Variants in DOCK2 observed in about 807,000 individuals in gnomAD.
DOCK2 encodes the protein dedicator of cytokinesis 2.
Under a neutral mutation model 248.9 loss-of-function variants are expected in DOCK2, and 87 were observed. The observed-to-expected ratio is 0.35, with a 90% CI of 0.29 to 0.42. The LOEUF (loss-of-function observed/expected upper bound fraction) is 0.42. DOCK2 is among the 10% of genes least tolerant of loss of function. DOCK2 has a pLI of 1.00. For missense variants in DOCK2, 1,747 were observed against 2,300.2 expected (o/e 0.76, Z 4.92); for synonymous variants, 805 against 821.6 (o/e 0.98, Z 0.35).
intron 27 of DOCK2, among the ~76,000 whole-genome samples, chr5:169,877,331 A>T (rs1772390241): frequency 6.6e-6 from 1 of 152,204 alleles, no homozygotes; most frequent in Non-Finnish European, 1.5e-5. Context: ...TACTTGAGAT[A>T]AGGGAAAAGA....
At chr5:169,900,985 G>A (rs374004252) in intron 27 of DOCK2, among the ~76,000 whole-genome samples, 2 of 152,090 alleles carry the variant, frequency 1.3e-5, no homozygotes, top group Admixed American at 1.3e-4. Flanking sequence ...CTTAGTTACG[G>A]GTAGGAAAGG....
At chr5:169,795,605 C>T (rs1035462188) in intron 25 of DOCK2, among the ~76,000 whole-genome samples, 9 of 152,102 alleles carry the variant, frequency 5.9e-5, no homozygotes, top group Non-Finnish European at 4.4e-5. Context: ...TCCCAGTGGG[C>T]GGAATTAGTT....
At chr5:169,741,474 C>T (rs997747220) in intron 22 of DOCK2, among the ~76,000 whole-genome samples, 1 of 152,168 alleles carries the variant, frequency 6.6e-6, no homozygotes, top group African/African-American at 2.4e-5. Context: ...ATACACATCA[C>T]TCCTTGACTC....
At position 169,730,875 on chromosome 5, in the gene DOCK2, A is replaced by ACT. The variant is rs201226618; in HGVS notation, c.2267+12099_2267+12100dup. 5.3e-5 allele frequency among the ~76,000 whole-genome samples: 7 copies of ACT among 131,518 alleles called. 1 individual carries two copies. Among genetic ancestry groups the ACT allele is most frequent in the African/African-American group, 1.5e-4 (4 of 27,166 alleles). The allele number at this position is 131,518 out of a possible 152,430, so 86.3% of individuals were successfully genotyped here. A position where few individuals can be genotyped will look rare whatever the true frequency, so the allele number is the denominator to read the frequency against. ...TTTTAGGTATATGATTATAGCTACC[A>ACT]CTCTCTCTCTCTCTCTTTTTTTTAG... On this transcript the variant is annotated intron_variant, in intron 22 of 51. Coordinates refer to ENST00000520908, the MANE Select transcript of DOCK2 (RefSeq NM_004946.3).
intron 27 of DOCK2, among the ~76,000 whole-genome samples, chr5:169,854,732 T>A (rs1261889648): frequency 6.6e-6 from 1 of 152,214 alleles, no homozygotes; most frequent in Non-Finnish European, 1.5e-5. Context: ...AATAAACATA[T>A]ACAAAGCATT....
intron 3 of DOCK2, among the ~76,000 whole-genome samples, chr5:169,669,588 CCCTT>C (rs1758927327): frequency 6.6e-6 from 1 of 152,164 alleles, no homozygotes; most frequent in African/African-American, 2.4e-5. Context: ...TATGATTTCT[CCCTT>C]CCTCGAGTCT....
In DOCK2 at chr5:169,786,219, A is replaced by T. The variant is rs533080602; in HGVS notation, c.2555-16839A>T. Among the ~76,000 whole-genome samples, 104 of 152,208 alleles carry T rather than the reference A, an allele frequency of 6.8e-4. 1 individual carries two copies. The highest frequency in any genetic ancestry group is 2.4e-3 in the African/African-American group (101 of 41,502). On this transcript the variant is annotated intron_variant, in intron 25 of 51. Coordinates refer to ENST00000520908, the MANE Select transcript of DOCK2 (RefSeq NM_004946.3). ...CTACAGCACCTCATAAATTATGATC[A>T]CTCACTCTTCTTTGGCTGGTGTTCT...
At chr5:169,844,203 G>A (rs1395376886) in intron 27 of DOCK2, among the ~76,000 whole-genome samples, 1 of 152,124 alleles carries the variant, frequency 6.6e-6, no homozygotes, top group African/African-American at 2.4e-5. Flanking sequence ...AAACTAGGAG[G>A]GAGCAAAGAG....
At chr5:169,831,418 C>T (rs923534125) in intron 26 of DOCK2, among the ~76,000 whole-genome samples, 1 of 152,192 alleles carries the variant, frequency 6.6e-6, no homozygotes, top group African/African-American at 2.4e-5. Flanking sequence ...CAATATGCTA[C>T]AAGCAGCTGT....
chr5:169,798,121 C>T (rs1443048432), intron 25 of DOCK2, among the ~76,000 whole-genome samples: 1 of 152,196 alleles, frequency 6.6e-6, no homozygotes, highest in East Asian at 1.9e-4. Flanking sequence ...CTCCTAGTGC[C>T]TGGTCTGCAG....
chr5:170,065,151 G>T (rs1188043736), intron 44 of DOCK2, among the ~76,000 whole-genome samples: 2 of 152,158 alleles, frequency 1.3e-5, no homozygotes, highest in East Asian at 3.8e-4. Context: ...TGAAGTTTGT[G>T]TATGTGATCA....
chr5:169,943,945 C>T (rs1776345029), intron 27 of DOCK2, among the ~76,000 whole-genome samples: 2 of 152,210 alleles, frequency 1.3e-5, no homozygotes, highest in African/African-American at 4.8e-5. Context: ...AGAAAAGCCA[C>T]TTTGCTTTCT....
Position 169,637,321 on chromosome 5 carries a change from C to T in DOCK2, c.-6C>T. ...CCACGGGAGGACGCGAGGCCCCGGC[C>T]CAGCCATGGCCCCCTGGCGCAAAGC... On this transcript the variant is annotated 5_prime_UTR_variant, in exon 1 of 52. Transcript: ENST00000520908. 1 of 1,423,608 alleles carries T rather than the reference C, an allele frequency of 7.0e-7. No individual in the cohort carries two copies. The highest frequency in any genetic ancestry group is 9.2e-7 in the Non-Finnish European group (1 of 1,090,774). 88.2% of individuals were successfully genotyped at this position (1,423,608 alleles called of 1,614,324 possible). A position where few individuals can be genotyped will look rare whatever the true frequency, so the allele number is the denominator to read the frequency against.
At chr5:169,791,517 C>T (rs1045383979) in intron 25 of DOCK2, among the ~76,000 whole-genome samples, 2 of 152,140 alleles carry the variant, frequency 1.3e-5, no homozygotes, top group African/African-American at 2.4e-5. Context: ...CCAAGCTATC[C>T]AGGTCTTGGA....
At chr5:169,804,197 C>A (rs1424893507) in intron 26 of DOCK2, among the ~76,000 whole-genome samples, 2 of 152,150 alleles carry the variant, frequency 1.3e-5, no homozygotes, top group Non-Finnish European at 2.9e-5. Flanking sequence ...CATAGTCAAC[C>A]ATTATGATCA....
intron 1 of DOCK2, 92 bp downstream of exon 1, chr5:169,637,461 G>A (rs1219619555): frequency 7.9e-6 from 10 of 1,267,114 alleles, no homozygotes; most frequent in Non-Finnish European, 1.0e-5. Context: ...GGCGCGGGGT[G>A]GGCAGGGCGC....
intron 22 of DOCK2, among the ~76,000 whole-genome samples, chr5:169,741,192 CA>C (rs1763285027): frequency 6.6e-6 from 1 of 152,200 alleles, no homozygotes; most frequent in South Asian, 2.1e-4. Context: ...TTATTTATTT[CA>C]GGTCCATACA....
At chr5:170,014,005 C>T (rs1755411931) in intron 32 of DOCK2, among the ~76,000 whole-genome samples, 1 of 152,022 alleles carries the variant, frequency 6.6e-6, no homozygotes, top group Non-Finnish European at 1.5e-5. Flanking sequence ...TGACAGACTC[C>T]TACTTAGTGA....
At chr5:169,680,683 T>C (rs561770145) in intron 6 of DOCK2, among the ~76,000 whole-genome samples, 126 of 152,064 alleles carry the variant, frequency 8.3e-4, no homozygotes, top group Middle Eastern at 3.4e-3. Flanking sequence ...ATCACACCAC[T>C]GTACCCCAGC....
Sources: gnomAD v4.1 joint callset for allele counts (sites outside exome capture counted in the v4.1 genomes callset) on GRCh38, gnomAD v4.1.1 for gene constraint, MANE v1.5 for transcripts, NCBI Gene and HGNC (gene_info 2026-07-23, HGNC 2026-07-21) for gene names.